Variants in ALCAM observed in about 807,000 individuals in gnomAD.
The protein encoded by ALCAM is activated leukocyte cell adhesion molecule, also known as CD166 antigen.
In ALCAM, 30 loss-of-function variants were observed where a neutral mutation model predicts 70.9. The observed-to-expected ratio is 0.42, with a 90% CI of 0.32 to 0.57. The LOEUF is 0.57. Among genes scored for constraint, ALCAM ranks in the 20% least tolerant of loss-of-function variants. The pLI is 0.11. For synonymous variants in ALCAM, 249 were observed against 242.5 expected (o/e 1.03, Z -0.25); for missense variants, 591 against 695.1 (o/e 0.85, Z 1.68).
intron 1 of ALCAM, among the ~76,000 whole-genome samples, chr3:105,406,748 G>A (rs78040681): frequency 0.016 from 2,330 of 147,628 alleles, 25 homozygotes; most frequent in Middle Eastern, 0.048. Flanking sequence ...ACAATAAAAA[G>A]ATAAATGAAA....
At chr3:105,492,065 T>G (rs1450617102) in intron 1 of ALCAM, among the ~76,000 whole-genome samples, 1 of 152,174 alleles carries the variant, frequency 6.6e-6, no homozygotes, top group Non-Finnish European at 1.5e-5. Context: ...TCAGTATGGC[T>G]GGGGAGGCCT....
At chr3:105,500,360 C>G (rs974392119) in intron 1 of ALCAM, among the ~76,000 whole-genome samples, 9 of 151,624 alleles carry the variant, frequency 5.9e-5, no homozygotes, top group Admixed American at 5.3e-4. Flanking sequence ...TCTTAGGATT[C>G]TGTATTTTTA....
chr3:105,544,822 A>AG (rs1435449510), intron 8 of ALCAM: 1 of 179,716 alleles, frequency 5.6e-6, no homozygotes, highest in African/African-American at 2.4e-5. Context: ...TGCTGTCTAA[A>AG]GATGCTTGAT....
At chr3:105,436,912 A>T (rs1937062966) in intron 1 of ALCAM, among the ~76,000 whole-genome samples, 1 of 152,192 alleles carries the variant, frequency 6.6e-6, no homozygotes, top group Non-Finnish European at 1.5e-5. Context: ...AGCAATAGAT[A>T]TCCACTACAA....
At chr3:105,518,817 T>C (rs896282935) in intron 1 of ALCAM, among the ~76,000 whole-genome samples, 1 of 152,074 alleles carries the variant, frequency 6.6e-6, no homozygotes, top group Non-Finnish European at 1.5e-5. Context: ...CTAGTTGTTA[T>C]GTTGCATATT....
intron 1 of ALCAM, among the ~76,000 whole-genome samples, chr3:105,390,939 G>C (rs1021644723): frequency 6.6e-6 from 1 of 152,022 alleles, no homozygotes; most frequent in Non-Finnish European, 1.5e-5. Context: ...CTTCTGTTCT[G>C]TTCCATTGGT....
At chr3:105,464,667 A>G (rs1188394469) in intron 1 of ALCAM, among the ~76,000 whole-genome samples, 1 of 151,480 alleles carries the variant, frequency 6.6e-6, no homozygotes, top group African/African-American at 2.4e-5. Flanking sequence ...TCTGTTGATT[A>G]ACAGCATTTT....
chr3:105,543,429 T>A (rs1940171379), intron 8 of ALCAM, among the ~76,000 whole-genome samples: 1 of 151,758 alleles, frequency 6.6e-6, no homozygotes, highest in African/African-American at 2.4e-5. Flanking sequence ...GTATTTCAAG[T>A]AAATCAACAT....
intron 1 of ALCAM, among the ~76,000 whole-genome samples, chr3:105,479,728 G>A (rs187496593): frequency 1.7e-4 from 26 of 152,072 alleles, no homozygotes; most frequent in African/African-American, 5.5e-4. Flanking sequence ...CAGTTCATTC[G>A]CATCTGCTTG....
chr3:105,405,687 A>T (rs1936210107), intron 1 of ALCAM, among the ~76,000 whole-genome samples: 1 of 152,206 alleles, frequency 6.6e-6, no homozygotes, highest in African/African-American at 2.4e-5. Flanking sequence ...TAAGAAAACC[A>T]AAATTATATC....
intron 1 of ALCAM, among the ~76,000 whole-genome samples, chr3:105,429,796 T>A (rs1034430234): frequency 6.6e-6 from 1 of 152,016 alleles, no homozygotes; most frequent in African/African-American, 2.4e-5. Flanking sequence ...ACAAAACTTA[T>A]GTTTAAAAAT....
At chr3:105,548,395 C>A (rs1032190955) in intron 11 of ALCAM, among the ~76,000 whole-genome samples, 18 of 151,312 alleles carry the variant, frequency 1.2e-4, no homozygotes, top group African/African-American at 4.4e-4. Flanking sequence ...CCAGAGGTAC[C>A]ACTGGATTAT....
chr3:105,416,708 C>A (rs1251365100), intron 1 of ALCAM, among the ~76,000 whole-genome samples: 1 of 151,928 alleles, frequency 6.6e-6, no homozygotes, highest in Non-Finnish European at 1.5e-5. Context: ...CTATGCATTG[C>A]CGTATTCTTA....
chr3:105,523,139 C>CAAAAAAAAAAAAAA (rs59478384), intron 2 of ALCAM, among the ~76,000 whole-genome samples: 3 of 87,024 alleles, frequency 3.4e-5, no homozygotes, highest in African/African-American at 1.5e-4. Flanking sequence ...GACTCCGTCT[C>CAAAAAAAAAAAAAA]AAAAAAAAAA....
rs1940811920 is a variant in ALCAM at position 105,569,265 on chromosome 3, G to T, written c.1665-2587G>T. ...GTAGAAAGAAAAAGAAAGGAGGAAT[G>T]GAATGGAGAAAAAAATTAGAGGACT... On this transcript the variant is annotated intron_variant, in intron 14 of 15. Coordinates refer to ENST00000306107, the MANE Select transcript of ALCAM (RefSeq NM_001627.4). Among the ~76,000 whole-genome samples the T allele has an allele frequency of 2.0e-5, 3 of 151,624 alleles. 1 individual carries two copies. Among genetic ancestry groups the T allele is most frequent in the Admixed American group, 2.0e-4 (3 of 15,226 alleles).
chr3:105,417,808 T>C (rs1431366910), intron 1 of ALCAM, among the ~76,000 whole-genome samples: 1 of 151,918 alleles, frequency 6.6e-6, no homozygotes, highest in Non-Finnish European at 1.5e-5. Flanking sequence ...TGCCATTTTA[T>C]TGTATCTTCT....
chr3:105,542,058 A>G (rs1439306809), intron 8 of ALCAM, among the ~76,000 whole-genome samples: 1 of 151,916 alleles, frequency 6.6e-6, no homozygotes, highest in African/African-American at 2.4e-5. Context: ...TAGACCTTAA[A>G]GAAACAACTC....
chr3:105,393,990 A>C (rs1356949664), intron 1 of ALCAM, among the ~76,000 whole-genome samples: 3 of 151,924 alleles, frequency 2.0e-5, no homozygotes, highest in Admixed American at 1.3e-4. Flanking sequence ...CAGTAATATC[A>C]AAATACTGTT....
chr3:105,456,898 C>T (rs1013051102), intron 1 of ALCAM, among the ~76,000 whole-genome samples: 2 of 152,160 alleles, frequency 1.3e-5, no homozygotes, highest in South Asian at 4.2e-4. Flanking sequence ...CAAAATTAAC[C>T]ATTTAAAAAT....
Sources: allele counts gnomAD v4.1 joint callset (sites outside exome capture counted in the v4.1 genomes callset), GRCh38; gene constraint gnomAD v4.1.1; transcripts MANE v1.5; gene names NCBI Gene and HGNC (gene_info 2026-07-23, HGNC 2026-07-21).